The following LARGE1 variants were observed in gnomAD, a reference collection of about 807,000 sequenced individuals.
LARGE1 encodes the protein LARGE xylosyl- and glucuronyltransferase 1.
A neutral mutation model predicts 87.6 loss-of-function variants in LARGE1; 43 were observed. The ratio of observed to expected loss-of-function variants is 0.49; its 90% CI spans 0.38 to 0.63. LARGE1 has a LOEUF of 0.63. Among genes scored for constraint, LARGE1 ranks in the 30% least tolerant of loss-of-function variants. The pLI, the probability that LARGE1 is intolerant of heterozygous loss-of-function variation, is 0.00. For synonymous variants in LARGE1, 434 were observed against 394.6 expected, an observed-to-expected ratio of 1.10 and a Z score of -1.18; for missense variants, 802 against 1,000.2, an observed-to-expected ratio of 0.80 and a Z score of 2.67.
At chr22:33,484,479 G>GT (rs2069477850) in intron 6 of LARGE1, among the ~76,000 whole-genome samples, 3 of 152,124 alleles carry the variant, frequency 2.0e-5, no homozygotes, top group African/African-American at 4.8e-5. Flanking sequence ...TCTTCTTAGA[G>GT]TTTCTGCATC....
intron 2 of LARGE1, among the ~76,000 whole-genome samples, chr22:33,652,239 T>TGTGATGC (rs1197983562): frequency 2.0e-5 from 3 of 151,982 alleles, no homozygotes; most frequent in Non-Finnish European, 4.4e-5. Flanking sequence ...AGCAGGTCTC[T>TGTGATGC]CAATGTGATG....
At chr22:33,836,454 T>C (rs963078296) in intron 1 of LARGE1, among the ~76,000 whole-genome samples, 4 of 152,182 alleles carry the variant, frequency 2.6e-5, no homozygotes, top group Admixed American at 1.3e-4. Flanking sequence ...AGCCTTGTCA[T>C]ATTTTTTTGT....
the LARGE1 span, among the ~76,000 whole-genome samples, chr22:33,148,833 A>T: frequency 0.016 from 2,386 of 152,140 alleles, 38 homozygotes; most frequent in Admixed American, 0.054. Context: ...AAAATATTAA[A>T]TTTTTTTGTG....
chr22:33,842,817 ACTG>A (rs1243628443), intron 1 of LARGE1, among the ~76,000 whole-genome samples: 2 of 152,200 alleles, frequency 1.3e-5, no homozygotes, highest in Admixed American at 1.3e-4. Context: ...GCTAATGGCT[ACTG>A]ATCTAGAGGG....
At chr22:33,748,452 A>G (rs2084184741) in intron 2 of LARGE1, among the ~76,000 whole-genome samples, 1 of 152,196 alleles carries the variant, frequency 6.6e-6, no homozygotes, top group African/African-American at 2.4e-5. Flanking sequence ...TGTTGCTTCC[A>G]GAAGTACAGT....
intron 6 of LARGE1, among the ~76,000 whole-genome samples, chr22:33,515,617 A>T (rs1438576468): frequency 2.0e-5 from 3 of 152,158 alleles, no homozygotes; most frequent in Non-Finnish European, 4.4e-5. Flanking sequence ...CAACGAGAAA[A>T]CAGCCAGAAA....
intron 6 of LARGE1, among the ~76,000 whole-genome samples, chr22:33,442,943 C>A (rs113294045): frequency 6.6e-6 from 1 of 152,108 alleles, no homozygotes; most frequent in African/African-American, 2.4e-5. Context: ...CAGGCGCCCG[C>A]ACCACATCCG....
rs765619322 is a variant in LARGE1, at chr22:33,274,103, T to G, written c.*324A>C. 8.1e-6 allele frequency: 4 copies of G among 496,436 alleles called. No homozygotes were observed. Among genetic ancestry groups the G allele is most frequent in the African/African-American group, 1.9e-5 (1 of 51,770 alleles). The allele number at this position is 496,436 out of a possible 1,614,324, so 30.8% of individuals were successfully genotyped here. A position where few individuals can be genotyped will look rare whatever the true frequency, so the allele number is the denominator to read the frequency against. ...TTATTAAAAAGCATCCAGAACATCC[T>G]AAAGCCCTGCCCTGATCTTGTGGCT... On this transcript the variant is annotated 3_prime_UTR_variant, in exon 15 of 15. Coordinates refer to ENST00000397394, the MANE Select transcript of LARGE1 (RefSeq NM_133642.5).
intron 4 of LARGE1, among the ~76,000 whole-genome samples, chr22:33,607,066 G>C (rs1367802966): frequency 6.6e-6 from 1 of 152,134 alleles, no homozygotes; most frequent in Non-Finnish European, 1.5e-5. Context: ...AGTAGGAGTT[G>C]AATCAATGAA....
intron 5 of LARGE1, among the ~76,000 whole-genome samples, chr22:33,571,852 GGCTTATTCAATGT>G (rs1353401331): frequency 6.6e-6 from 1 of 152,050 alleles, no homozygotes; most frequent in Non-Finnish European, 1.5e-5. Flanking sequence ...CACTGGACCT[GGCTTATTCAATGT>G]GCTCTTCACT....
chr22:33,205,665 T>C (rs1396324180), intron 11 of LARGE1, among the ~76,000 whole-genome samples: 3 of 152,186 alleles, frequency 2.0e-5, no homozygotes, highest in African/African-American at 7.2e-5. Flanking sequence ...TTGTCAAGTT[T>C]CCAGCAAAAA....
intron 1 of LARGE1, among the ~76,000 whole-genome samples, chr22:33,806,786 C>T (rs1423256132): frequency 2.0e-5 from 3 of 152,026 alleles, no homozygotes; most frequent in Non-Finnish European, 4.4e-5. Context: ...CCGAGGCAGG[C>T]GGATCACGAG....
intron 11 of LARGE1, among the ~76,000 whole-genome samples, chr22:33,314,870 G>A (rs1935985477): frequency 6.6e-6 from 1 of 152,070 alleles, no homozygotes; most frequent in Non-Finnish European, 1.5e-5. Context: ...GTGACCTTGG[G>A]GCTTCAAATC....
intron 6 of LARGE1, among the ~76,000 whole-genome samples, chr22:33,476,224 C>G (rs929372246): frequency 3.9e-5 from 6 of 152,218 alleles, no homozygotes; most frequent in Non-Finnish European, 5.9e-5. Context: ...CTGAGACAAA[C>G]GCATACCTGG....
rs546579312 is a variant in LARGE1, at chr22:33,431,259, T to C, written c.892+902A>G. ...ATACACCCCATGAGGTCATGGACTG[T>C]GTCTGCTGCAGCTAGCATAGGGCCT... On this transcript the variant is annotated intron_variant, in intron 7 of 14. Coordinates refer to ENST00000397394, the MANE Select transcript of LARGE1 (RefSeq NM_133642.5). Among the ~76,000 whole-genome samples the C allele has an allele frequency of 1.8e-3, 267 of 152,308 alleles. 3 individuals carry two copies. Among genetic ancestry groups the C allele is most frequent in the Non-Finnish European group, 1.6e-4 (11 of 68,024 alleles).
intron 1 of LARGE1, among the ~76,000 whole-genome samples, chr22:33,865,880 G>A (rs552698718): frequency 3.1e-5 from 3 of 97,972 alleles, no homozygotes; most frequent in African/African-American, 4.4e-5. Context: ...ACAGGGTCTC[G>A]CTCTGTCATC....
intron 6 of LARGE1, among the ~76,000 whole-genome samples, chr22:33,443,349 T>C (rs1284706748): frequency 6.6e-6 from 1 of 152,072 alleles, no homozygotes; most frequent in Admixed American, 6.5e-5. Context: ...GGCATCACCA[T>C]GGGGTAGACT....
chr22:33,869,523 C>T (rs957337726), intron 1 of LARGE1, among the ~76,000 whole-genome samples: 2 of 152,176 alleles, frequency 1.3e-5, no homozygotes, highest in African/African-American at 2.4e-5. Flanking sequence ...AGAGGAGCCT[C>T]CTCGGGTCTG....
At chr22:33,312,718 C>T (rs1007774049) in intron 11 of LARGE1, among the ~76,000 whole-genome samples, 4 of 152,178 alleles carry the variant, frequency 2.6e-5, no homozygotes, top group African/African-American at 9.7e-5. Context: ...TAAGTGAAAC[C>T]CTCTCACTTG....
Sources: gnomAD v4.1 joint callset for allele counts (sites outside exome capture counted in the v4.1 genomes callset) on GRCh38, gnomAD v4.1.1 for gene constraint, MANE v1.5 for transcripts, NCBI Gene and HGNC (gene_info 2026-07-23, HGNC 2026-07-21) for gene names.